Variants in FAM193A observed in about 807,000 individuals in gnomAD.
The protein encoded by FAM193A is protein FAM193A.
In FAM193A, 22 loss-of-function variants were observed where a neutral mutation model predicts 126.5. The observed-to-expected ratio is 0.17, with a 90% CI of 0.12 to 0.25. The LOEUF (loss-of-function observed/expected upper bound fraction) is 0.25, where lower values mean the gene tolerates loss of function less well. Among genes scored for constraint, FAM193A ranks in the 10% least tolerant of loss-of-function variants. The pLI, the probability that FAM193A is intolerant of heterozygous loss-of-function variation, is 1.00. For missense variants in FAM193A, 1,675 were observed against 1,672.8 expected, an observed-to-expected ratio of 1.00 and a Z score of -0.02; for synonymous variants, 761 against 646.8, an observed-to-expected ratio of 1.18 and a Z score of -2.68.
intron 1 of FAM193A, among the ~76,000 whole-genome samples, chr4:2,549,436 G>A (rs1416017170): frequency 1.8e-5 from 2 of 113,396 alleles, no homozygotes; most frequent in African/African-American, 3.5e-5. Context: ...TCGCTCTGTC[G>A]CCCAGGCTGG....
chr4:2,725,637 CAT>C (rs1316070777), intron 20 of FAM193A, among the ~76,000 whole-genome samples: 1 of 151,582 alleles, frequency 6.6e-6, no homozygotes, highest in Non-Finnish European at 1.5e-5. Context: ...AGGGATAACT[CAT>C]ATCCTGTAGT....
chr4:2,585,261 G>A (rs1740169683), intron 1 of FAM193A, among the ~76,000 whole-genome samples: 1 of 152,184 alleles, frequency 6.6e-6, no homozygotes, highest in Non-Finnish European at 1.5e-5. Context: ...GAATTACTGG[G>A]TCATAGTCTA....
At chr4:2,688,745 C>A (rs1716034239) in intron 13 of FAM193A, among the ~76,000 whole-genome samples, 1 of 152,230 alleles carries the variant, frequency 6.6e-6, no homozygotes, top group Admixed American at 6.5e-5. Context: ...TTGCACTGCG[C>A]CACTGTGAGA....
At chr4:2,625,187 C>T (rs1191432861) in intron 2 of FAM193A, 75 bp from the exon 3 acceptor site, 2 of 611,828 alleles carry the variant, frequency 3.3e-6, no homozygotes, top group African/African-American at 3.7e-5. Flanking sequence ...GGCATTTTTC[C>T]TGAACAGTTA....
chr4:2,638,558 T>A (rs1377834020), intron 5 of FAM193A, among the ~76,000 whole-genome samples: 2 of 151,990 alleles, frequency 1.3e-5, no homozygotes, highest in African/African-American at 4.8e-5. Context: ...AAACGGAAGG[T>A]TTTAGATTTT....
At chr4:2,710,389 G>A (rs1215925337) in intron 19 of FAM193A, among the ~76,000 whole-genome samples, 2 of 151,872 alleles carry the variant, frequency 1.3e-5, no homozygotes, top group Non-Finnish European at 2.9e-5. Context: ...TAGCCAGGAT[G>A]GTCTCCATCT....
In FAM193A at chr4:2,629,859, C is replaced by T. The variant is rs543937367; in HGVS notation, c.804-1076C>T. ...TAAAATGTGCATTATCGGCCGGGTGCGGTGGCTCACGCCTGTAAGTCCCAG... is the reference window on the plus strand; with the variant it reads ...TAAAATGTGCATTATCGGCCGGGTGTGGTGGCTCACGCCTGTAAGTCCCAG... On this transcript the variant is annotated intron_variant, in intron 4 of 20. Coordinates refer to ENST00000637812, the MANE Select transcript of FAM193A (RefSeq NM_001366318.2). Among the ~76,000 whole-genome samples, 14 of 152,194 alleles carry T rather than the reference C, an allele frequency of 9.2e-5. No individual in the cohort carries two copies. The East Asian group carries it at 2.1e-3, about 23-fold the overall frequency.
intron 6 of FAM193A, among the ~76,000 whole-genome samples, chr4:2,641,150 C>T (rs1385556614): frequency 6.6e-6 from 1 of 151,426 alleles, no homozygotes; most frequent in African/African-American, 2.4e-5. Flanking sequence ...AAGCGATTCT[C>T]CTGCCTCAGC....
At chr4:2,601,172 G>T (rs1741172133) in intron 2 of FAM193A, among the ~76,000 whole-genome samples, 1 of 150,936 alleles carries the variant, frequency 6.6e-6, no homozygotes, top group Non-Finnish European at 1.5e-5. Flanking sequence ...CTGTGTAATG[G>T]TCTCTTTTCA....
intron 1 of FAM193A, among the ~76,000 whole-genome samples, chr4:2,551,004 G>T (rs1030870356): frequency 5.9e-5 from 9 of 151,948 alleles, no homozygotes; most frequent in African/African-American, 2.2e-4. Context: ...GTTTCACCAT[G>T]TTAGCCAGGA....
chr4:2,700,695 T>C (rs1223887878), intron 19 of FAM193A, 151 bp downstream of exon 19: 4 of 951,730 alleles, frequency 4.2e-6, no homozygotes, highest in East Asian at 2.6e-5. Context: ...GCATGGTGGC[T>C]CACACCTGTA....
chr4:2,575,219 G>A (rs981423155), intron 1 of FAM193A, among the ~76,000 whole-genome samples: 1 of 152,160 alleles, frequency 6.6e-6, no homozygotes, highest in Non-Finnish European at 1.5e-5. Flanking sequence ...ATCAGGTCAG[G>A]TGACGAGACG....
intron 1 of FAM193A, among the ~76,000 whole-genome samples, chr4:2,557,981 T>G (rs543301797): frequency 6.7e-6 from 1 of 150,234 alleles, no homozygotes. Context: ...CATTTAATAG[T>G]GTACTACAAG....
intron 13 of FAM193A, among the ~76,000 whole-genome samples, chr4:2,684,885 A>AG (rs949632725): frequency 1.3e-5 from 2 of 152,182 alleles, no homozygotes; most frequent in Non-Finnish European, 2.9e-5. Context: ...GGCCCAGACC[A>AG]GGGGGGAAGA....
chr4:2,687,235 A>G (rs1452483971), intron 13 of FAM193A, among the ~76,000 whole-genome samples: 2 of 152,184 alleles, frequency 1.3e-5, no homozygotes, highest in African/African-American at 4.8e-5. Flanking sequence ...TTTTGTGTCC[A>G]GGGACTCTAT....
chr4:2,573,657 C>T (rs1266735158), intron 1 of FAM193A, among the ~76,000 whole-genome samples: 3 of 152,098 alleles, frequency 2.0e-5, no homozygotes, highest in Admixed American at 1.3e-4. Context: ...CTCACTTGTG[C>T]GTTTGTTCCA....
chr4:2,619,803 G>A (rs1742432042), intron 2 of FAM193A, among the ~76,000 whole-genome samples: 1 of 152,236 alleles, frequency 6.6e-6, no homozygotes, highest in South Asian at 2.1e-4. Context: ...CAATTCTCCT[G>A]CCTCAACCTC....
chr4:2,704,624 C>T (rs1374853323), intron 19 of FAM193A, among the ~76,000 whole-genome samples: 1 of 151,998 alleles, frequency 6.6e-6, no homozygotes, highest in Non-Finnish European at 1.5e-5. Flanking sequence ...TTTTTGCTAG[C>T]TACGTCCAAG....
chr4:2,601,900 G>A lies in FAM193A; in HGVS notation c.501+5571G>A, dbSNP rs144779619. Among the ~76,000 whole-genome samples the A allele has an allele frequency of 2.9e-3, 445 of 152,088 alleles. 1 individual carries two copies. The highest frequency in any genetic ancestry group is 0.01 in the African/African-American group (429 of 41,500). ...GTTGCCCAGGCCGGAATGCAGTGGC[G>A]TGATCTTGGCTCACTGTAACCTCCA... On this transcript the variant is annotated intron_variant, in intron 2 of 20. Transcript: ENST00000637812.
Sources: gnomAD v4.1 joint callset for allele counts (sites outside exome capture counted in the v4.1 genomes callset) on GRCh38, gnomAD v4.1.1 for gene constraint, MANE v1.5 for transcripts, NCBI Gene and HGNC (gene_info 2026-07-23, HGNC 2026-07-21) for gene names.